Variants in TXNDC11 observed in about 807,000 individuals in gnomAD.
The protein encoded by TXNDC11 is thioredoxin domain containing 11.
Under a neutral mutation model 78.0 loss-of-function variants are expected in TXNDC11, and 68 were observed. The observed-to-expected ratio is 0.87, with a 90% CI of 0.72 to 1.07. TXNDC11 has a LOEUF of 1.07. Ranked by LOEUF, TXNDC11 falls within the 50% of genes least tolerant of loss-of-function variation. TXNDC11 has a pLI of 0.00. For missense variants in TXNDC11, 1,389 were observed against 1,221.8 expected (o/e 1.14, Z -2.04); for synonymous variants, 571 against 495.2 (o/e 1.15, Z -2.03).
At chr16:11,741,143 GCTCA>G (rs1233493308) in intron 1 of TXNDC11, among the ~76,000 whole-genome samples, 4 of 152,188 alleles carry the variant, frequency 2.6e-5, no homozygotes, top group South Asian at 4.1e-4. Flanking sequence ...TATGGAAAAT[GCTCA>G]CTGAGAGTTA....
At position 11,684,321 on chromosome 16, in the gene TXNDC11, C is replaced by A. The variant is rs1043480194; in HGVS notation, c.2154-76G>T. 4 of 1,088,850 alleles carry A rather than the reference C, an allele frequency of 3.7e-6. No homozygotes were observed. In the African/African-American group the frequency reaches 4.8e-5, roughly 13 times the overall value. 67.4% of individuals were successfully genotyped at this position (1,088,850 alleles called of 1,614,324 possible). A position where few individuals can be genotyped will look rare whatever the true frequency, so the allele number is the denominator to read the frequency against. ...AACTTGAAAGAACCTTCTCAGATAA[C>A]TTCAAGAACCTGGTGCATTTTTTAC... On this transcript the variant is annotated intron_variant, in intron 10 of 11. Transcript: ENST00000283033.
At chr16:11,735,198 C>A (rs1399398951) in intron 2 of TXNDC11, among the ~76,000 whole-genome samples, 1 of 152,180 alleles carries the variant, frequency 6.6e-6, no homozygotes, top group Non-Finnish European at 1.5e-5. Flanking sequence ...TTAGGATAAT[C>A]AATTACTAAG....
chr16:11,722,911 T>C (rs2051753959), intron 4 of TXNDC11, among the ~76,000 whole-genome samples: 1 of 152,242 alleles, frequency 6.6e-6, no homozygotes, highest in Non-Finnish European at 1.5e-5. Context: ...AACCACTTGC[T>C]TGTTGTAAGA....
rs751941869 is a variant in TXNDC11 at position 11,691,400 on chromosome 16, A to T, written c.1790T>A (p.Leu597Gln). ...CACCTGAGTGGAGCTCGGAGCACCC[A>T]GTCTCTCTGCATATAACCAAAACAA... ...SNLFWLYAERLGAPSSTQVKE... is the reference protein window; with the variant it reads ...SNLFWLYAERQGAPSSTQVKE... Residue 597 changes from leucine (L) to glutamine (Q), a missense_variant, in exon 8 of 12, where the codon CTG (leucine) becomes CAG (glutamine). Coordinates refer to ENST00000283033, the MANE Select transcript of TXNDC11 (RefSeq NM_015914.7). 1.9e-6 allele frequency: 3 copies of T among 1,614,206 alleles called. No individual in the cohort carries two copies. Among genetic ancestry groups the T allele is most frequent in the Non-Finnish European group, 2.5e-6 (3 of 1,180,004 alleles).
At position 11,711,235 on chromosome 16, in the gene TXNDC11, A is replaced by AG. The variant is rs1173868745; in HGVS notation, c.793+10341dup. 2.0e-5 allele frequency among the ~76,000 whole-genome samples: 3 copies of AG among 152,174 alleles called. No individual in the cohort carries two copies. In the South Asian group the frequency reaches 6.2e-4, roughly 32 times the overall value. On this transcript the variant is annotated intron_variant, in intron 5 of 11. Coordinates refer to ENST00000283033, the MANE Select transcript of TXNDC11 (RefSeq NM_015914.7). ...TGCAGAGAAAACAGAGTAAGGGTGGAGTGAGTGAGCTCTGCACCAGGGTTC... is the reference window on the plus strand; with the variant it reads ...TGCAGAGAAAACAGAGTAAGGGTGGAGGTGAGTGAGCTCTGCACCAGGGTTC...
At chr16:11,735,915 T>C in intron 2 of TXNDC11, 102 bp downstream of exon 2, 3 of 1,137,782 alleles carry the variant, frequency 2.6e-6, no homozygotes, top group East Asian at 2.4e-5. Context: ...GGAGTTCACC[T>C]TGGCAAAGTC....
intron 1 of TXNDC11, among the ~76,000 whole-genome samples, chr16:11,736,448 T>A (rs1369746988): frequency 2.0e-5 from 3 of 152,208 alleles, no homozygotes; most frequent in African/African-American, 7.2e-5. Flanking sequence ...CCCCTAGGTG[T>A]AGGCTGGAAG....
intron 1 of TXNDC11, among the ~76,000 whole-genome samples, chr16:11,741,480 C>G (rs988701649): frequency 5.3e-5 from 8 of 152,196 alleles, no homozygotes; most frequent in African/African-American, 1.9e-4. Flanking sequence ...CTTGCCCAGC[C>G]TCAGAAACTC....
chr16:11,714,726 A>T (rs75734430), intron 5 of TXNDC11, among the ~76,000 whole-genome samples: 1,774 of 152,024 alleles, frequency 0.012, 36 homozygotes, highest in African/African-American at 0.041. Flanking sequence ...ATGCGTACCG[A>T]CTCAGTTCTA....
At chr16:11,703,537 C>G in intron 5 of TXNDC11, 1 of 564,800 alleles carries the variant, frequency 1.8e-6, no homozygotes, top group Non-Finnish European at 3.2e-6. Flanking sequence ...CACACACACA[C>G]ACACACAGAG....
In TXNDC11 at chr16:11,707,886, C is replaced by T. The variant is rs2051229682; in HGVS notation, c.794-7322G>A. Among the ~76,000 whole-genome samples, 4 of 152,042 alleles carry T rather than the reference C, an allele frequency of 2.6e-5. No individual in the cohort carries two copies. The South Asian group carries it at 8.3e-4, about 32-fold the overall frequency. On this transcript the variant is annotated intron_variant, in intron 5 of 11. Coordinates refer to ENST00000283033, the MANE Select transcript of TXNDC11 (RefSeq NM_015914.7). ...TCACTTGAGGCCAGGAGGTCAAGAC[C>T]AGCCTGGGCAAGAGAGTGAGACCCT...
intron 8 of TXNDC11, among the ~76,000 whole-genome samples, chr16:11,689,487 A>G (rs1424739128): frequency 6.6e-6 from 1 of 152,232 alleles, no homozygotes; most frequent in African/African-American, 2.4e-5. Context: ...CAGCTGATTT[A>G]TGAGTTAAGT....
Position 11,742,813 on chromosome 16 carries a change from C to A in TXNDC11, c.-83G>T. 7.3e-7 allele frequency: 1 copy of A among 1,372,174 alleles called. No homozygotes were observed. The highest frequency in any genetic ancestry group is 2.8e-5 in the East Asian group (1 of 35,160). 85.0% of individuals were successfully genotyped at this position (1,372,174 alleles called of 1,614,324 possible). ...GGCCCGGCCCGTTGCTCCCCAATCCCGCAGCTCGCCGCACCCGCTAACCCG... is the reference window on the plus strand; with the variant it reads ...GGCCCGGCCCGTTGCTCCCCAATCCAGCAGCTCGCCGCACCCGCTAACCCG... On this transcript the variant is annotated 5_prime_UTR_variant, in exon 1 of 12. Transcript: ENST00000283033.
Position 11,679,168 on chromosome 16 carries a change from T to A in TXNDC11, c.*27A>T. 6.2e-7 allele frequency: 1 copy of A among 1,604,734 alleles called. No homozygotes were observed. The highest frequency in any genetic ancestry group is 8.5e-7 in the Non-Finnish European group (1 of 1,177,070). On this transcript the variant is annotated 3_prime_UTR_variant, in exon 12 of 12. Coordinates refer to ENST00000283033, the MANE Select transcript of TXNDC11 (RefSeq NM_015914.7). The surrounding 1 kb of genome is among the most constrained non-coding windows in gnomAD (Gnocchi z 4.6). Reference sequence around the variant, plus strand: ...ATATTCCCAATGTACAATTTTCACCTCTGATTTCTTCATATCATTTAAAAA... The same window carrying A: ...ATATTCCCAATGTACAATTTTCACCACTGATTTCTTCATATCATTTAAAAA...
rs748319213 is a variant in TXNDC11 at position 11,679,783 on chromosome 16, C to G, written c.2289G>C (p.Leu763=). ...PEDVPITLPN[L]LRFILHHSDP... ...CTGAGTGATGCAAAATGAACCTCAA[C>G]AGGTTTGGAAGGGTGATGGGGACGT... Residue 763 remains leucine (L), a synonymous_variant, in exon 12 of 12, where the codon CTG becomes CTC. Transcript: ENST00000283033. This position sits in a 1 kb window ranked among gnomAD's most constrained non-coding sequence, Gnocchi z 4.6. 4 of 1,613,984 alleles carry G rather than the reference C, an allele frequency of 2.5e-6. No individual in the cohort carries two copies. Among genetic ancestry groups the G allele is most frequent in the Admixed American group, 1.7e-5 (1 of 60,000 alleles).
intron 6 of TXNDC11, among the ~76,000 whole-genome samples, chr16:11,698,612 G>C (rs1055436101): frequency 6.6e-5 from 10 of 152,238 alleles, no homozygotes; most frequent in African/African-American, 2.4e-4. Context: ...CTGCCAGCTG[G>C]TGGCGATAAC....
At chr16:11,687,289 G>A (rs537866203) in intron 10 of TXNDC11, among the ~76,000 whole-genome samples, 99 of 152,116 alleles carry the variant, frequency 6.5e-4, no homozygotes, top group Non-Finnish European at 1.3e-3. Context: ...GAGGTGGGGG[G>A]TTAAATGTGA....
intron 5 of TXNDC11, among the ~76,000 whole-genome samples, chr16:11,700,950 A>G (rs973372559): frequency 6.6e-6 from 1 of 152,114 alleles, no homozygotes; most frequent in Non-Finnish European, 1.5e-5. Context: ...TTCTGTGAGA[A>G]GCCTTCCTTG....
chr16:11,705,899 C>G (rs117646948), intron 5 of TXNDC11, among the ~76,000 whole-genome samples: 195 of 152,254 alleles, frequency 1.3e-3, no homozygotes, highest in Admixed American at 3.1e-3. Context: ...ATCTCCTTAT[C>G]CAGAGTGTTT....
Sources: allele counts gnomAD v4.1 joint callset (sites outside exome capture counted in the v4.1 genomes callset), GRCh38; gene constraint gnomAD v4.1.1; non-coding constraint Gnocchi (gnomAD v3.1); transcripts MANE v1.5; gene names NCBI Gene and HGNC (gene_info 2026-07-23, HGNC 2026-07-21).